KCNJ15: variants seen among roughly 807,000 people sequenced by gnomAD.
KCNJ15 encodes potassium inwardly rectifying channel subfamily J member 15.
KCNJ15 carries 14 observed loss-of-function variants against 23.0 expected under a neutral mutation model. That is an observed-to-expected ratio of 0.61 (90% CI 0.40 to 0.95). The LOEUF is 0.95. Ranked by LOEUF, KCNJ15 falls within the 40% of genes least tolerant of loss-of-function variation. The pLI is 0.00. For synonymous variants in KCNJ15, 185 were observed against 183.2 expected, an observed-to-expected ratio of 1.01 and a Z score of -0.08; for missense variants, 388 against 461.8, an observed-to-expected ratio of 0.84 and a Z score of 1.46.
chr21:38,272,469 C>T (rs548712514), intron 1 of KCNJ15: 1 of 152,260 alleles, frequency 6.6e-6, no homozygotes, highest in African/African-American at 2.4e-5. Flanking sequence ...AGGCTTCCCC[C>T]TGCTGAGTCA....
At chr21:38,273,220 C>T (rs1383073497) in intron 1 of KCNJ15, among the ~76,000 whole-genome samples, 1 of 152,152 alleles carries the variant, frequency 6.6e-6, no homozygotes, top group East Asian at 1.9e-4. Flanking sequence ...CAGTAGCTAG[C>T]TAATACTCTA....
chr21:38,290,990 G>T (rs1385446083), intron 1 of KCNJ15, among the ~76,000 whole-genome samples: 3 of 8,858 alleles, frequency 3.4e-4, no homozygotes, highest in Non-Finnish European at 6.9e-4. Context: ...GTCATAAAAA[G>T]GCTAAACACA....
Position 38,301,990 on chromosome 21 carries a change from G to A in KCNJ15, c.*1601G>A, listed in dbSNP as rs572836815. ...CGCACACACACACACATGCACACAC[G>A]CGCGTGCACACACGCACACATGCAC... is the stretch of plus-strand genomic sequence containing the variant. On this transcript the variant is annotated 3_prime_UTR_variant, in exon 3 of 3. Coordinates refer to ENST00000398938, the MANE Select transcript of KCNJ15 (RefSeq NM_170736.3). 14 of 148,304 alleles carry A rather than the reference G, an allele frequency of 9.4e-5. No individual in the cohort carries two copies. Among genetic ancestry groups the A allele is most frequent in the South Asian group, 2.1e-4 (1 of 4,760 alleles). 9.2% of individuals were successfully genotyped at this position (148,304 alleles called of 1,614,324 possible).
chr21:38,252,154 A>G (rs545732169), upstream of KCNJ15, among the ~76,000 whole-genome samples: 5 of 152,342 alleles, frequency 3.3e-5, no homozygotes, highest in South Asian at 6.2e-4. Context: ...ACATTGCTAA[A>G]CTGTCCCAGA....
upstream of KCNJ15, among the ~76,000 whole-genome samples, chr21:38,252,343 C>T (rs904091343): frequency 6.6e-6 from 1 of 152,164 alleles, no homozygotes; most frequent in African/African-American, 2.4e-5. Flanking sequence ...AGTAAATTCC[C>T]CTTCCTGTGG....
At chr21:38,282,471 A>T (rs559700866) in intron 1 of KCNJ15, among the ~76,000 whole-genome samples, 5 of 152,298 alleles carry the variant, frequency 3.3e-5, no homozygotes, top group Non-Finnish European at 7.3e-5. Flanking sequence ...TCTCTTCAAG[A>T]TAGAACATTG....
intron 1 of KCNJ15, among the ~76,000 whole-genome samples, chr21:38,258,133 C>A (rs186911951): frequency 2.0e-4 from 30 of 151,778 alleles, no homozygotes; most frequent in African/African-American, 5.3e-4. Flanking sequence ...CTCAAGATCA[C>A]AAGCACACAC....
intron 1 of KCNJ15, among the ~76,000 whole-genome samples, chr21:38,294,861 G>A (rs924908470): frequency 1.3e-5 from 2 of 152,200 alleles, no homozygotes; most frequent in Non-Finnish European, 2.9e-5. Flanking sequence ...CTGGTTTGAA[G>A]TAGGAGAAAG....
chr21:38,290,034 C>T (rs774511671), intron 1 of KCNJ15, among the ~76,000 whole-genome samples: 19 of 152,282 alleles, frequency 1.2e-4, no homozygotes, highest in South Asian at 2.1e-4. Flanking sequence ...TAATGTTCAG[C>T]GGAGGTTGGT....
In KCNJ15 at chr21:38,288,026, CTTTGTTTTTTTT is replaced by C. The variant is rs1374933142; in HGVS notation, c.-116-8896_-116-8885del. Among the ~76,000 whole-genome samples the C allele has an allele frequency of 3.8e-3, 301 of 78,200 alleles. 30 individuals carry two copies. Among genetic ancestry groups the C allele is most frequent in the African/African-American group, 0.014 (266 of 19,464 alleles). 51.3% of individuals were successfully genotyped at this position (78,200 alleles called of 152,430 possible). A position where few individuals can be genotyped will look rare whatever the true frequency, so the allele number is the denominator to read the frequency against. On this transcript the variant is annotated intron_variant, in intron 1 of 2. Coordinates refer to ENST00000398938, the MANE Select transcript of KCNJ15 (RefSeq NM_170736.3). ...CCATTGTTAAATAACTTGTTTTTTT[CTTTGTTTTTTTT>C]TTTTTTTTTTTTTTTTTTTTGAGAT...
intron 1 of KCNJ15, among the ~76,000 whole-genome samples, chr21:38,246,217 C>G (rs1197328791): frequency 1.3e-5 from 2 of 152,150 alleles, no homozygotes; most frequent in Non-Finnish European, 2.9e-5. Context: ...TGTATCTAGG[C>G]TAGGGTCTGG....
intron 1 of KCNJ15, among the ~76,000 whole-genome samples, chr21:38,292,037 G>A: frequency 6.6e-6 from 1 of 152,180 alleles, no homozygotes; most frequent in South Asian, 2.1e-4. Context: ...CGCGTAGTGA[G>A]CAGGAACTTA....
intron 1 of KCNJ15, chr21:38,291,526 C>T (rs1179261573): frequency 1.3e-5 from 2 of 152,186 alleles, no homozygotes; most frequent in South Asian, 2.1e-4. Flanking sequence ...ATGACTTTCT[C>T]CATTCCTTTG....
At chr21:38,292,372 G>A (rs1011941859) in intron 1 of KCNJ15, among the ~76,000 whole-genome samples, 2 of 152,168 alleles carry the variant, frequency 1.3e-5, no homozygotes, top group African/African-American at 4.8e-5. Context: ...GTACCTGGGC[G>A]GCCCAGTGTG....
intron 1 of KCNJ15, among the ~76,000 whole-genome samples, chr21:38,261,652 G>A (rs1449169101): frequency 6.6e-6 from 1 of 152,100 alleles, no homozygotes; most frequent in Non-Finnish European, 1.5e-5. Context: ...TGAACCTTTA[G>A]GTCATATCTC....
At chr21:38,271,013 T>G (rs1982021080) in intron 1 of KCNJ15, among the ~76,000 whole-genome samples, 1 of 152,158 alleles carries the variant, frequency 6.6e-6, no homozygotes, top group African/African-American at 2.4e-5. Flanking sequence ...ACTGATCTGG[T>G]GAAGCTGAGT....
At chr21:38,275,700 C>T (rs1297588963) in intron 1 of KCNJ15, among the ~76,000 whole-genome samples, 4 of 152,098 alleles carry the variant, frequency 2.6e-5, no homozygotes, top group Non-Finnish European at 4.4e-5. Flanking sequence ...TTAAAATCCC[C>T]CTAGGTGAAT....
At chr21:38,264,428 G>A (rs1981248863) in intron 1 of KCNJ15, among the ~76,000 whole-genome samples, 1 of 152,078 alleles carries the variant, frequency 6.6e-6, no homozygotes, top group South Asian at 2.1e-4. Context: ...ACTTTACAAT[G>A]GCCTGCTTAC....
chr21:38,239,445 G>C (rs181586683), intron 1 of KCNJ15, among the ~76,000 whole-genome samples: 24 of 152,276 alleles, frequency 1.6e-4, no homozygotes, highest in Non-Finnish European at 3.4e-4. Flanking sequence ...GTTCTGCGAA[G>C]CCTCTTCTGG....
Sources: gnomAD v4.1 joint callset for allele counts (sites outside exome capture counted in the v4.1 genomes callset) on GRCh38, gnomAD v4.1.1 for gene constraint, MANE v1.5 for transcripts, NCBI Gene and HGNC (gene_info 2026-07-23, HGNC 2026-07-21) for gene names.